Variants in ATP6V1D observed in about 807,000 individuals in gnomAD.
ATP6V1D encodes the protein ATPase H+ transporting V1 subunit D.
A neutral mutation model predicts 39.4 loss-of-function variants in ATP6V1D; 20 were observed. That is an observed-to-expected ratio of 0.51 (90% CI 0.36 to 0.74). The LOEUF (loss-of-function observed/expected upper bound fraction) is 0.74. Among genes scored for constraint, ATP6V1D ranks in the 30% least tolerant of loss-of-function variants. The probability of loss-of-function intolerance (pLI) is 0.00; values close to 1 mark genes in which losing one functional copy is unlikely to be tolerated. For missense variants in ATP6V1D, 228 were observed against 291.6 expected (o/e 0.78, Z 1.59); for synonymous variants, 100 against 100.5 (o/e 0.99, Z 0.03).
At position 67,340,480 on chromosome 14, in the gene ATP6V1D, T is replaced by C; in HGVS notation, c.562A>G (p.Ile188Val). Reference sequence around the variant, plus strand: ...CGCTCTCTCTCATCCAGCTCTGTGATGATATAAGCAAGAGTACGTTCAATC... The same window carrying C: ...CGCTCTCTCTCATCCAGCTCTGTGACGATATAAGCAAGAGTACGTTCAATC... ...PRIERTLAYI[I>V]TELDEREREE... Residue 188 changes from isoleucine to valine, a missense_variant, in exon 8 of 9, where the codon ATC becomes GTC. Physicochemically the swap from Ile to Val is conservative, Grantham distance 29 (BLOSUM62 3). Coordinates refer to ENST00000216442, the MANE Select transcript of ATP6V1D (RefSeq NM_015994.4). 1.2e-6 allele frequency: 2 copies of C among 1,613,758 alleles called. No individual in the cohort carries two copies. Among genetic ancestry groups the C allele is most frequent in the Non-Finnish European group, 8.5e-7 (1 of 1,179,874 alleles).
At chr14:67,339,575 C>G (rs537146463) in intron 8 of ATP6V1D, among the ~76,000 whole-genome samples, 1 of 152,096 alleles carries the variant, frequency 6.6e-6, no homozygotes, top group African/African-American at 2.4e-5. Context: ...GTATTTATAC[C>G]TGTTGACTCT....
Position 67,349,064 on chromosome 14 carries a change from T to A in ATP6V1D, c.280A>T (p.Ile94Phe), listed in dbSNP as rs1466502599. Residue 94 changes from isoleucine (I) to phenylalanine (F), a missense_variant, in exon 4 of 9, where the codon ATT (isoleucine) becomes TTT (phenylalanine). By Grantham distance (21) the Ile-to-Phe change is conservative. Coordinates refer to ENST00000216442, the MANE Select transcript of ATP6V1D (RefSeq NM_015994.4). The part of the protein sequence containing the change: ...IQNVNKAQVK[I>F]RAKKDNVAGV... ...GCTACATTATCTTTCTTCGCTCGAATCTTCACTTGCGCTTTATTGACATTT... is the reference window on the plus strand; with the variant it reads ...GCTACATTATCTTTCTTCGCTCGAAACTTCACTTGCGCTTTATTGACATTT... 3 of 1,614,038 alleles carry A rather than the reference T, an allele frequency of 1.9e-6. No homozygotes were observed. The highest frequency in any genetic ancestry group is 2.5e-6 in the Non-Finnish European group (3 of 1,180,000).
intron 4 of ATP6V1D, 62 bp from the exon 5 acceptor site, chr14:67,347,515 T>TG: frequency 2.1e-6 from 3 of 1,443,526 alleles, no homozygotes; most frequent in South Asian, 2.5e-5. Flanking sequence ...TTTTTTTTTT[T>TG]TCTGAGACGG....
chr14:67,352,419 C>T (rs1473500086), intron 2 of ATP6V1D, among the ~76,000 whole-genome samples: 1 of 148,546 alleles, frequency 6.7e-6, no homozygotes. Flanking sequence ...AGAGTAAGAC[C>T]TTGCCTCAAA....
Position 67,352,949 on chromosome 14 carries a change from G to A in ATP6V1D, c.133C>T (p.Arg45Ter), listed in dbSNP as rs749286842. The change falls in exon 2 of 9, where the codon CGA (arginine) becomes TGA (stop). Residue 45 changes from arginine to a stop codon, truncating the protein, a stop_gained. Coordinates refer to ENST00000216442, the MANE Select transcript of ATP6V1D (RefSeq NM_015994.4). LOFTEE classifies it high-confidence loss of function. ...TCTATTATCTTCTTTAGGATCTGTC[G>A]AAATCGAAGAGTTAAGGCATCAGAT... ...KKSDALTLRF[R>*]QILKKIIETK... is the part of the protein sequence containing the mutation. 7.4e-6 allele frequency: 12 copies of A among 1,611,856 alleles called. No individual in the cohort carries two copies. The highest frequency in any genetic ancestry group is 2.2e-5 in the East Asian group (1 of 44,862).
rs772067354 is a variant in ATP6V1D, at chr14:67,352,993, C to T, written c.89G>A (p.Arg30Gln). ...ATCAGATTTTTTCTTCAGGAGGTTTCGACCTGTCTGTGCTCCCTTTAAACG... is the reference window on the plus strand; with the variant it reads ...ATCAGATTTTTTCTTCAGGAGGTTTTGACCTGTCTGTGCTCCCTTTAAACG... ...KARLKGAQTG[R>Q]NLLKKKSDAL... The change falls in exon 2 of 9, where the codon CGA becomes CAA. Residue 30 changes from arginine (R) to glutamine (Q), a missense_variant. Around this residue, in one of 3 missense-constraint regions of ATP6V1D, gnomAD observed 104 missense variants for 120.2 expected, o/e 0.87. Transcript: ENST00000216442. 1.5e-5 allele frequency: 24 copies of T among 1,613,884 alleles called. No homozygotes were observed. Among genetic ancestry groups the T allele is most frequent in the African/African-American group, 6.7e-5 (5 of 74,872 alleles).
chr14:67,352,707 G>A, intron 2 of ATP6V1D: 1 of 446,352 alleles, frequency 2.2e-6, no homozygotes. Flanking sequence ...GCAGGCGGGG[G>A]GCCAATCAGA....
chr14:67,351,677 T>TTTC (rs915614145), intron 2 of ATP6V1D, among the ~76,000 whole-genome samples: 10 of 151,576 alleles, frequency 6.6e-5, no homozygotes, highest in South Asian at 2.1e-4. Context: ...CTCTGCTAAT[T>TTTC]TTCTTCTTCT....
At position 67,345,790 on chromosome 14, in the gene ATP6V1D, A is replaced by G; in HGVS notation, c.434T>C (p.Leu145Pro). 6.2e-7 allele frequency: 1 copy of G among 1,613,828 alleles called. No individual in the cohort carries two copies. The highest frequency in any genetic ancestry group is 8.5e-7 in the Non-Finnish European group (1 of 1,179,708). The change falls in exon 6 of 9, where the codon CTG becomes CCG. Residue 145 changes from leucine to proline, a missense_variant. By Grantham distance (98) the Leu-to-Pro change is moderately conservative. This residue lies in a region of ATP6V1D where 114 missense variants were observed against 128.3 expected (regional missense o/e 0.89). Transcript: ENST00000216442. Reference sequence around the variant, plus strand: ...TACCTGCAGAGAAGCTAGTTCCACCAGTAGTTCCACTGCTTTGGCATAATT... The same window carrying G: ...TACCTGCAGAGAAGCTAGTTCCACCGGTAGTTCCACTGCTTTGGCATAATT... ...KRNYAKAVEL[L>P]VELASLQTSF...
chr14:67,346,551 G>A (rs757425762), intron 5 of ATP6V1D, among the ~76,000 whole-genome samples: 54 of 152,342 alleles, frequency 3.5e-4, no homozygotes, highest in Non-Finnish European at 5.1e-4. Context: ...CTGGGCTAAG[G>A]TGATCCACCT....
intron 2 of ATP6V1D, among the ~76,000 whole-genome samples, chr14:67,351,825 CTTTTT>C (rs548692805): frequency 6.9e-6 from 1 of 144,766 alleles, no homozygotes; most frequent in Non-Finnish European, 1.5e-5. Context: ...CTAGTATTAA[CTTTTT>C]TTTTTAAGTT....
At chr14:67,352,055 TG>T (rs2085657932) in intron 2 of ATP6V1D, among the ~76,000 whole-genome samples, 1 of 151,434 alleles carries the variant, frequency 6.6e-6, no homozygotes, top group African/African-American at 2.4e-5. Context: ...AAGGATGAGG[TG>T]GAATGATCAC....
chr14:67,352,001 A>G (rs1004658444), intron 2 of ATP6V1D, among the ~76,000 whole-genome samples: 6 of 152,034 alleles, frequency 3.9e-5, no homozygotes, highest in South Asian at 2.1e-4. Flanking sequence ...AAAGTAGTAC[A>G]GGGCCAGGCA....
Position 67,353,160 on chromosome 14 carries a change from T to C in ATP6V1D, c.42-120A>G, listed in dbSNP as rs1005529215. On this transcript the variant is annotated intron_variant, in intron 1 of 8. Transcript: ENST00000216442. ...TTGATGTGATGAAAGTGAGACTATA[T>C]AGAGAATTTGTAGCTGACAGGTTTA... 9.7e-6 allele frequency: 7 copies of C among 721,770 alleles called. No homozygotes were observed. In the Admixed American group the frequency reaches 1.6e-4, roughly 16 times the overall value. The allele number at this position is 721,770 out of a possible 1,614,324, so 44.7% of individuals were successfully genotyped here.
intron 4 of ATP6V1D, among the ~76,000 whole-genome samples, chr14:67,348,108 CTT>C (rs1235486963): frequency 6.6e-6 from 1 of 151,048 alleles, no homozygotes; most frequent in African/African-American, 2.4e-5. Flanking sequence ...GAGTTTCGCT[CTT>C]GTTGCCTGGG....
chr14:67,343,745 C>T (rs977348634), intron 6 of ATP6V1D, among the ~76,000 whole-genome samples: 2 of 152,138 alleles, frequency 1.3e-5, no homozygotes, highest in African/African-American at 4.8e-5. Context: ...TAGCATGCAC[C>T]TGTAGTCCCA....
intron 1 of ATP6V1D, among the ~76,000 whole-genome samples, chr14:67,358,603 G>A (rs1355542417): frequency 6.6e-6 from 1 of 152,198 alleles, no homozygotes; most frequent in African/African-American, 2.4e-5. Flanking sequence ...GGGAGGCTGA[G>A]GCCGGAGGAT....
intron 6 of ATP6V1D, 78 bp downstream of exon 6, chr14:67,345,690 T>C: frequency 1.1e-6 from 1 of 916,108 alleles, no homozygotes; most frequent in Non-Finnish European, 1.8e-6. Flanking sequence ...CAGTATATGC[T>C]GACTCAAGAC....
intron 7 of ATP6V1D, among the ~76,000 whole-genome samples, chr14:67,341,126 T>TGGCC (rs2085578312): frequency 6.6e-6 from 1 of 150,576 alleles, no homozygotes; most frequent in Non-Finnish European, 1.5e-5. Flanking sequence ...CCTCTCTGCC[T>TGGCC]GGCCGCCCAT....
Sources: allele counts gnomAD v4.1 joint callset (sites outside exome capture counted in the v4.1 genomes callset), GRCh38; gene constraint gnomAD v4.1.1; regional missense constraint gnomAD v4.1.1; transcripts MANE v1.5; gene names NCBI Gene and HGNC (gene_info 2026-07-23, HGNC 2026-07-21).